PDE10A: variants seen among roughly 807,000 people sequenced by gnomAD.
The protein encoded by PDE10A is phosphodiesterase 10A.
In PDE10A, 39 loss-of-function variants were observed where a neutral mutation model predicts 97.7. That is an observed-to-expected ratio of 0.40 (90% CI 0.31 to 0.52). The LOEUF (loss-of-function observed/expected upper bound fraction) is 0.52. Among genes scored for constraint, PDE10A ranks in the 20% least tolerant of loss-of-function variants. PDE10A has a pLI of 0.56. For synonymous variants in PDE10A, 371 were observed against 376.8 expected (o/e 0.98, Z 0.18); for missense variants, 731 against 1,047.8 (o/e 0.70, Z 4.17).
At chr6:165,952,713 C>G (rs1476557058) in intron 1 of PDE10A, among the ~76,000 whole-genome samples, 1 of 152,244 alleles carries the variant, frequency 6.6e-6, no homozygotes, top group African/African-American at 2.4e-5. Context: ...CCCTGACCAG[C>G]CTGGCCTCAG....
At chr6:165,898,411 C>G (rs1194857782) in intron 1 of PDE10A, among the ~76,000 whole-genome samples, 1 of 152,150 alleles carries the variant, frequency 6.6e-6, no homozygotes, top group East Asian at 1.9e-4. Context: ...CTTTAGGTCT[C>G]GAAGTCCATA....
At chr6:165,563,901 A>G (rs1218919115) in intron 1 of PDE10A, among the ~76,000 whole-genome samples, 2 of 152,010 alleles carry the variant, frequency 1.3e-5, no homozygotes, top group African/African-American at 2.4e-5. Flanking sequence ...AAAAAAAAAA[A>G]AGGTAGCTAT....
intron 18 of PDE10A, among the ~76,000 whole-genome samples, chr6:165,376,907 C>A (rs781011391): frequency 2.6e-5 from 4 of 152,020 alleles, no homozygotes; most frequent in African/African-American, 9.7e-5. Flanking sequence ...GAACAAGACC[C>A]CATCTTTAAA....
intron 17 of PDE10A, among the ~76,000 whole-genome samples, chr6:165,384,924 ATCTG>A (rs1359213754): frequency 1.3e-5 from 2 of 152,108 alleles, no homozygotes; most frequent in African/African-American, 4.8e-5. Context: ...CTTACGTCCT[ATCTG>A]TCTGTGTGGC....
At chr6:165,615,528 T>A (rs1397141389) in intron 1 of PDE10A, among the ~76,000 whole-genome samples, 1 of 152,216 alleles carries the variant, frequency 6.6e-6, no homozygotes, top group East Asian at 1.9e-4. Context: ...TTCACTTTAT[T>A]GAGTTTTTTA....
At chr6:165,713,714 T>A (rs1366585198) in intron 1 of PDE10A, among the ~76,000 whole-genome samples, 6 of 152,218 alleles carry the variant, frequency 3.9e-5, no homozygotes, top group Non-Finnish European at 8.8e-5. Context: ...GACTTCTGTG[T>A]GTAGTGTGTC....
At chr6:165,379,420 T>C (rs766620306) in intron 17 of PDE10A, 54 bp from the exon 18 acceptor site, 8 of 1,384,474 alleles carry the variant, frequency 5.8e-6, no homozygotes, top group Non-Finnish European at 8.0e-6. Flanking sequence ...GCTCTAATCT[T>C]ATGACATTTT....
intron 1 of PDE10A, among the ~76,000 whole-genome samples, chr6:165,821,991 C>A (rs897165840): frequency 3.9e-5 from 6 of 152,120 alleles, no homozygotes; most frequent in African/African-American, 1.4e-4. Flanking sequence ...AGCCCTGAAA[C>A]AAGATGACCT....
chr6:165,943,190 AGAAAGAAAGAAAGAAAGAAAG>A (rs1783600787), intron 1 of PDE10A, among the ~76,000 whole-genome samples: 1 of 50,794 alleles, frequency 2.0e-5, no homozygotes, highest in Non-Finnish European at 3.6e-5. Flanking sequence ...AAAGAAAGAA[AGAAAGAAAGAAAGAAAGAAAG>A]AAAGAAAGAA....
At chr6:165,804,601 C>T (rs1349855215) in intron 1 of PDE10A, among the ~76,000 whole-genome samples, 1 of 152,100 alleles carries the variant, frequency 6.6e-6, no homozygotes, top group African/African-American at 2.4e-5. Flanking sequence ...AGCCAAGGAG[C>T]GCCGGAGTTT....
In PDE10A at chr6:165,672,751, A is replaced by G. The variant is rs1235710689; in HGVS notation, c.-614-129183T>C. 3.9e-5 allele frequency among the ~76,000 whole-genome samples: 6 copies of G among 152,316 alleles called. No homozygotes were observed. The South Asian group carries it at 1.2e-3, about 32-fold the overall frequency. ...CCCAGCCACATGGAACCATGAGTCC[A>G]TTAAACCTCTTCTTTTGTAAATTGC... On this transcript the variant is annotated intron_variant, in intron 1 of 19. Transcript: ENST00000366882.
intron 1 of PDE10A, chr6:165,576,548 A>G: frequency 1.4e-6 from 1 of 708,806 alleles, no homozygotes; most frequent in East Asian, 2.5e-5. Context: ...TTCTAAACAA[A>G]AACAAAACAA....
At chr6:165,729,339 A>G (rs980217606) in intron 1 of PDE10A, among the ~76,000 whole-genome samples, 2 of 152,240 alleles carry the variant, frequency 1.3e-5, no homozygotes, top group Non-Finnish European at 2.9e-5. Flanking sequence ...TAACTTAAAT[A>G]TATAAACAGA....
At chr6:165,528,332 G>A (rs1444099520) in intron 2 of PDE10A, among the ~76,000 whole-genome samples, 1 of 152,198 alleles carries the variant, frequency 6.6e-6, no homozygotes, top group African/African-American at 2.4e-5. Flanking sequence ...TCTTTCCCCA[G>A]CCACCCCTGT....
chr6:165,859,409 C>A (rs1780839127), intron 1 of PDE10A, among the ~76,000 whole-genome samples: 1 of 152,254 alleles, frequency 6.6e-6, no homozygotes, highest in Non-Finnish European at 1.5e-5. Context: ...TCATCAGAAA[C>A]CCTGCCCCAC....
intron 1 of PDE10A, among the ~76,000 whole-genome samples, chr6:165,768,564 T>G (rs914175262): frequency 7.2e-5 from 11 of 152,150 alleles, no homozygotes; most frequent in Non-Finnish European, 2.9e-5. Flanking sequence ...TTAATAACGT[T>G]TGAACACCTA....
At chr6:165,798,239 T>G (rs2128464922) in intron 1 of PDE10A, among the ~76,000 whole-genome samples, 1 of 152,358 alleles carries the variant, frequency 6.6e-6, no homozygotes, top group Middle Eastern at 3.4e-3. Context: ...GTATTCTGCC[T>G]GTTTGCTTTA....
Position 165,358,545 on chromosome 6 carries a change from C to T in PDE10A, c.2784-15043G>A, listed in dbSNP as rs184334351. Among the ~76,000 whole-genome samples, 351 of 149,228 alleles carry T rather than the reference C, an allele frequency of 2.4e-3. 1 individual carries two copies. The highest frequency in any genetic ancestry group is 7.0e-3 in the Middle Eastern group (2 of 284). The stretch of plus-strand genomic sequence containing the variant: ...TTTTAATGCTGTTGCCATGGTATAT[C>T]TTTATCATTTGCTTTCAACAAATCT... On this transcript the variant is annotated intron_variant, in intron 18 of 21. Coordinates refer to ENST00000539869, the MANE Select transcript of PDE10A (RefSeq NM_001385079.1).
chr6:165,913,334 G>T (rs1782516161), intron 1 of PDE10A, among the ~76,000 whole-genome samples: 1 of 151,538 alleles, frequency 6.6e-6, no homozygotes, highest in Non-Finnish European at 1.5e-5. Flanking sequence ...GTGTTCATGG[G>T]AGTTCCAGGA....
Sources: gnomAD v4.1 joint callset for allele counts (sites outside exome capture counted in the v4.1 genomes callset) on GRCh38, gnomAD v4.1.1 for gene constraint, MANE v1.5 for transcripts, NCBI Gene and HGNC (gene_info 2026-07-23, HGNC 2026-07-21) for gene names.